DYNC2H1: variants seen among roughly 807,000 people sequenced by gnomAD.
DYNC2H1 encodes the protein dynein cytoplasmic 2 heavy chain 1.
In DYNC2H1, 410 loss-of-function variants were observed where a neutral mutation model predicts 570.0. That is an observed-to-expected ratio of 0.72 (90% confidence interval 0.66 to 0.78). The LOEUF (loss-of-function observed/expected upper bound fraction) is 0.78, where lower values mean the gene tolerates loss of function less well. Ranked by LOEUF, DYNC2H1 falls within the 30% of genes least tolerant of loss-of-function variation. The pLI, the probability that DYNC2H1 is intolerant of heterozygous loss-of-function variation, is 0.00. For missense variants in DYNC2H1, 4,865 were observed against 5,046.4 expected, an observed-to-expected ratio of 0.96 and a Z score of 1.09; for synonymous variants, 1,688 against 1,677.6, an observed-to-expected ratio of 1.01 and a Z score of -0.15.
chr11:103,354,920 C>G (rs948597395), intron 82 of DYNC2H1, among the ~76,000 whole-genome samples: 1 of 150,336 alleles, frequency 6.7e-6, no homozygotes, highest in Non-Finnish European at 1.5e-5. Context: ...TATTGTCTTT[C>G]ATCAGTTCTG....
At chr11:103,128,559 G>A (rs897009815) in intron 12 of DYNC2H1, among the ~76,000 whole-genome samples, 1 of 152,216 alleles carries the variant, frequency 6.6e-6, no homozygotes, top group African/African-American at 2.4e-5. Context: ...GAAAAAAGAA[G>A]GAGCAGATTT....
chr11:103,462,886 A>G lies in DYNC2H1; in HGVS notation c.12649-5703A>G, dbSNP rs140518618. Among the ~76,000 whole-genome samples the G allele has an allele frequency of 7.9e-5, 12 of 152,188 alleles. No homozygotes were observed. In the East Asian group the frequency reaches 2.1e-3, roughly 27 times the overall value. On this transcript the variant is annotated intron_variant, in intron 87 of 88. Transcript: ENST00000375735. ...TTTTTGCTTTTATGAGGAGGGGGTA[A>G]ACCTTAATAGTGAAGTGTAGCGTCA...
At chr11:103,214,927 G>A (rs553029240) in intron 54 of DYNC2H1, among the ~76,000 whole-genome samples, 20 of 151,292 alleles carry the variant, frequency 1.3e-4, no homozygotes, top group African/African-American at 3.9e-4. Context: ...AAATAGGATT[G>A]CCTTCTTAAT....
At position 103,383,005 on chromosome 11, in the gene DYNC2H1, G is replaced by A. The variant is rs182480180; in HGVS notation, c.12157-16658G>A. 1.1e-4 allele frequency among the ~76,000 whole-genome samples: 17 copies of A among 152,316 alleles called. No individual in the cohort carries two copies. In the East Asian group the frequency reaches 3.3e-3, roughly 29 times the overall value. ...CTAGAGGAACACAGGGAATCAAAGA[G>A]TCTGAGCTAATCTGAATGTAGAATT... is the stretch of plus-strand genomic sequence containing the variant. On this transcript the variant is annotated intron_variant, in intron 83 of 88. Coordinates refer to ENST00000375735, the MANE Select transcript of DYNC2H1 (RefSeq NM_001377.3).
At position 103,456,181 on chromosome 11, in the gene DYNC2H1, A is replaced by C; in HGVS notation, c.12567-94A>C. The C allele has an allele frequency of 3.3e-6, 3 of 906,788 alleles. No individual in the cohort carries two copies. The South Asian group carries it at 7.3e-5, about 22-fold the overall frequency. 56.2% of individuals were successfully genotyped at this position (906,788 alleles called of 1,614,324 possible). ...ATTATTTACACATGGTAAATATTTTAATTTTAAATAAATAGGACTATATCT... is the reference window on the plus strand; with the variant it reads ...ATTATTTACACATGGTAAATATTTTCATTTTAAATAAATAGGACTATATCT... On this transcript the variant is annotated intron_variant, in intron 86 of 88. Coordinates refer to ENST00000375735, the MANE Select transcript of DYNC2H1 (RefSeq NM_001377.3).
chr11:103,122,860 A>C lies in DYNC2H1; in HGVS notation c.1521A>C (p.Leu507Phe). Residue 507 changes from leucine (L) to phenylalanine (F), a missense_variant, in exon 11 of 89, where the codon TTA becomes TTC. Physicochemically the swap from Leu to Phe is conservative, Grantham distance 22. Transcript: ENST00000375735. ...CTATCAAGATTGCAGAGGCTCTTTT[A>C]TCTGACTTGCCAGGATTTCGATGTT... The part of the protein sequence containing the change: ...DDTIKIAEAL[L>F]SDLPGFRCFH... 1 of 1,613,256 alleles carries C rather than the reference A, an allele frequency of 6.2e-7. No individual in the cohort carries two copies. The highest frequency in any genetic ancestry group is 8.5e-7 in the Non-Finnish European group (1 of 1,179,550).
Position 103,435,980 on chromosome 11 carries a change from A to G in DYNC2H1, c.12404A>G (p.Glu4135Gly). 1 of 1,612,714 alleles carries G rather than the reference A, an allele frequency of 6.2e-7. No individual in the cohort carries two copies. The highest frequency in any genetic ancestry group is 8.5e-7 in the Non-Finnish European group (1 of 1,179,124). The change falls in exon 85 of 89, where the codon GAA becomes GGA. Residue 4135 changes from glutamate (E) to glycine (G), a missense_variant. Coordinates refer to ENST00000375735, the MANE Select transcript of DYNC2H1 (RefSeq NM_001377.3). Reference protein sequence around the residue: ...LAWQSKWEGPEDPLQYLRGLV... With the variant: ...LAWQSKWEGPGDPLQYLRGLV... ...TGGCAGAGCAAGTGGGAAGGCCCAG[A>G]AGATCCCTTACAATACCTGAGAGGT... is the stretch of plus-strand genomic sequence containing the variant.
rs768503952 is a variant in DYNC2H1 at position 103,168,811 on chromosome 11, A to G, written c.4819A>G (p.Ile1607Val). Residue 1607 changes from isoleucine to valine, a missense_variant, in exon 32 of 89, where the codon ATT becomes GTT. Around this residue, in one of 5 missense-constraint regions of DYNC2H1, gnomAD observed 1,936 missense variants for 1,962.1 expected, o/e 0.99. Transcript: ENST00000375735. ...KALILDIIHNIDVVKQLNQIQ... is the reference protein window; with the variant it reads ...KALILDIIHNVDVVKQLNQIQ... ...CCTAATTCTTGACATTATCCATAAT[A>G]TTGATGTGGTAAAGCAGTTAAACCA... is the stretch of plus-strand genomic sequence containing the variant. 8.1e-6 allele frequency: 13 copies of G among 1,613,220 alleles called. No homozygotes were observed. Among genetic ancestry groups the G allele is most frequent in the African/African-American group, 1.3e-5 (1 of 74,892 alleles).
At chr11:103,427,615 G>A (rs565178955) in intron 84 of DYNC2H1, among the ~76,000 whole-genome samples, 66 of 152,152 alleles carry the variant, frequency 4.3e-4, no homozygotes, top group African/African-American at 1.6e-3. Flanking sequence ...CAGATCTGGT[G>A]GTATCTGATA....
chr11:103,462,579 A>C (rs151265623), intron 87 of DYNC2H1, among the ~76,000 whole-genome samples: 1 of 152,184 alleles, frequency 6.6e-6, no homozygotes, highest in African/African-American at 2.4e-5. Flanking sequence ...TTCTTCTGCA[A>C]AGAGGCTTCA....
chr11:103,242,499 A>G (rs1864459357), intron 63 of DYNC2H1, among the ~76,000 whole-genome samples: 1 of 152,160 alleles, frequency 6.6e-6, no homozygotes, highest in Non-Finnish European at 1.5e-5. Context: ...TCTTACTCTG[A>G]CTTTCATATG....
chr11:103,240,282 G>A (rs796308254), intron 63 of DYNC2H1, among the ~76,000 whole-genome samples: 28 of 152,242 alleles, frequency 1.8e-4, no homozygotes, highest in African/African-American at 5.3e-4. Context: ...TTTCCAGACT[G>A]AAGATGTGTC....
At chr11:103,473,132 TTTGTGAA>T (rs1294220794) in intron 88 of DYNC2H1, among the ~76,000 whole-genome samples, 3 of 152,180 alleles carry the variant, frequency 2.0e-5, no homozygotes, top group Non-Finnish European at 4.4e-5. Flanking sequence ...TGCAGTGTAC[TTTGTGAA>T]TTAACAAGAT....
At chr11:103,120,641 A>T (rs1268330100) in intron 7 of DYNC2H1, 48 bp from the exon 8 acceptor site, 2 of 1,596,510 alleles carry the variant, frequency 1.3e-6, no homozygotes, top group East Asian at 2.2e-5. Context: ...CTTTTTAAAG[A>T]CAGATTTAAA....
chr11:103,236,478 GGAAAA>G lies in DYNC2H1; in HGVS notation c.9760_9764del (p.Lys3254Ter), dbSNP rs1218198013. On this transcript the variant is annotated frameshift_variant, in exon 63 of 89. Coordinates refer to ENST00000375735, the MANE Select transcript of DYNC2H1 (RefSeq NM_001377.3). LOFTEE classifies it high-confidence loss of function. ...TGTACTGAAAGTGAGCAGTTAATTT[GGAAAA>G]GTGAAGGCCTACCATCAGATGACCT... 15 of 1,609,900 alleles carry G rather than the reference GGAAAA, an allele frequency of 9.3e-6. No individual in the cohort carries two copies. The highest frequency in any genetic ancestry group is 1.2e-5 in the Non-Finnish European group (14 of 1,177,238).
At position 103,205,665 on chromosome 11, in the gene DYNC2H1, T is replaced by C. The variant is rs1862897212; in HGVS notation, c.8454+701T>C. Among the ~76,000 whole-genome samples, 1 of 152,142 alleles carries C rather than the reference T, an allele frequency of 6.6e-6. No homozygotes were observed. The highest frequency in any genetic ancestry group is 6.5e-5 in the Admixed American group (1 of 15,268). On this transcript the variant is annotated intron_variant, in intron 52 of 88. Coordinates refer to ENST00000375735, the MANE Select transcript of DYNC2H1 (RefSeq NM_001377.3). This position sits in a 1 kb window ranked among gnomAD's most constrained non-coding sequence, Gnocchi z 4.5. ...AGTAAGTACCACTGTTCTATATATG[T>C]TGAGGACATAGCAGACGAAAAAAAA...
At chr11:103,278,599 T>C (rs1320819667) in intron 70 of DYNC2H1, among the ~76,000 whole-genome samples, 3 of 151,924 alleles carry the variant, frequency 2.0e-5, no homozygotes, top group South Asian at 2.1e-4. Context: ...AGTTTCACTC[T>C]TGCTGCCAAG....
intron 82 of DYNC2H1, among the ~76,000 whole-genome samples, chr11:103,333,833 G>A (rs1938965528): frequency 6.6e-6 from 1 of 152,100 alleles, no homozygotes; most frequent in Admixed American, 6.5e-5. Context: ...TAACTTTAAT[G>A]TAGAAATTTC....
At chr11:103,367,462 A>G (rs1940961151) in intron 83 of DYNC2H1, among the ~76,000 whole-genome samples, 1 of 152,114 alleles carries the variant, frequency 6.6e-6, no homozygotes, top group Non-Finnish European at 1.5e-5. Context: ...TGTTACCTTT[A>G]TACTCCACAC....
Sources: allele counts gnomAD v4.1 joint callset (sites outside exome capture counted in the v4.1 genomes callset), GRCh38; gene constraint gnomAD v4.1.1; regional missense constraint gnomAD v4.1.1; non-coding constraint Gnocchi (gnomAD v3.1); transcripts MANE v1.5; gene names NCBI Gene and HGNC (gene_info 2026-07-23, HGNC 2026-07-21).